Variants in MLIP observed in about 807,000 individuals in gnomAD.
MLIP encodes muscular LMNA interacting protein.
In MLIP, 79 loss-of-function variants were observed where a neutral mutation model predicts 84.8. The ratio of observed to expected loss-of-function variants is 0.93; its 90% CI spans 0.78 to 1.12. The LOEUF is 1.12. Among genes scored for constraint, MLIP ranks in the 50% most tolerant of loss-of-function variants. The probability of loss-of-function intolerance (pLI) is 0.00; values close to 1 mark genes in which losing one functional copy is unlikely to be tolerated. For synonymous variants in MLIP, 504 were observed against 463.0 expected (o/e 1.09, Z -1.14); for missense variants, 1,257 against 1,160.6 (o/e 1.08, Z -1.21).
intron 12 of MLIP, 115 bp downstream of exon 12, chr6:54,231,032 A>AT: frequency 5.4e-6 from 4 of 735,274 alleles, no homozygotes; most frequent in Non-Finnish European, 8.6e-6. Context: ...AATATTAAAT[A>AT]TCTAAATGTA....
chr6:54,049,239 T>C (rs894437407), intron 1 of MLIP, among the ~76,000 whole-genome samples: 1 of 152,166 alleles, frequency 6.6e-6, no homozygotes, highest in Non-Finnish European at 1.5e-5. Context: ...CTGTTATCAA[T>C]ATTTAAACAA....
intron 1 of MLIP, chr6:54,083,726 G>A: frequency 7.8e-7 from 1 of 1,285,058 alleles, no homozygotes; most frequent in Admixed American, 2.0e-5. Flanking sequence ...TCGTATTGCA[G>A]TAGTTATGTT....
At chr6:54,057,767 A>G (rs1765745383) in intron 1 of MLIP, among the ~76,000 whole-genome samples, 1 of 152,136 alleles carries the variant, frequency 6.6e-6, no homozygotes, top group South Asian at 2.1e-4. Context: ...GAATGTAGTA[A>G]AATGTTTTGC....
chr6:54,118,007 T>A (rs1770107388), intron 1 of MLIP, among the ~76,000 whole-genome samples: 1 of 151,792 alleles, frequency 6.6e-6, no homozygotes, highest in African/African-American at 2.4e-5. Flanking sequence ...AAATCATTGA[T>A]GAAAGAAAAT....
chr6:54,037,618 G>C (rs1308071140), intron 1 of MLIP, among the ~76,000 whole-genome samples: 3 of 151,992 alleles, frequency 2.0e-5, no homozygotes, highest in African/African-American at 7.2e-5. Flanking sequence ...GGAGTAGTCT[G>C]CTAGTCTTTG....
In MLIP at chr6:54,136,702, C is replaced by T. The variant is rs954136432; in HGVS notation, c.646-13C>T. On this transcript the variant is annotated splice_polypyrimidine_tract_variant and intron_variant, in intron 3 of 13. Coordinates refer to ENST00000502396, the MANE Select transcript of MLIP (RefSeq NM_001281747.2). ...ATGTCCTATTTCAATCTGTCTATTT[C>T]TCTTTCCTCTAGTTAACTTCTTCTC... is the stretch of plus-strand genomic sequence containing the variant. 17 of 1,456,668 alleles carry T rather than the reference C, an allele frequency of 1.2e-5. No homozygotes were observed. In the African/African-American group the frequency reaches 1.6e-4, roughly 13 times the overall value. 90.2% of individuals were successfully genotyped at this position (1,456,668 alleles called of 1,614,324 possible).
chr6:54,174,522 T>C (rs11966747), intron 9 of MLIP, among the ~76,000 whole-genome samples: 10,502 of 152,162 alleles, frequency 0.069, 513 homozygotes, highest in East Asian at 0.2. Flanking sequence ...TCTTTTCATA[T>C]GCTTGTTTGC....
intron 2 of MLIP, among the ~76,000 whole-genome samples, chr6:54,122,660 A>G (rs573902391): frequency 3.9e-5 from 6 of 152,288 alleles, no homozygotes; most frequent in Non-Finnish European, 8.8e-5. Flanking sequence ...TAATGGGGCC[A>G]TGAATACTAT....
At chr6:54,066,759 G>C (rs995466976) in intron 1 of MLIP, among the ~76,000 whole-genome samples, 8 of 99,634 alleles carry the variant, frequency 8.0e-5, no homozygotes, top group African/African-American at 2.0e-4. Flanking sequence ...GTCAGGTGCT[G>C]TGGGAAGCTA....
chr6:54,029,656 T>C (rs1235868327), intron 1 of MLIP, among the ~76,000 whole-genome samples: 1 of 152,212 alleles, frequency 6.6e-6, no homozygotes, highest in Admixed American at 6.5e-5. Context: ...CAGGGTATCA[T>C]ACTATATACT....
chr6:54,029,909 C>T (rs1457710309), intron 1 of MLIP, among the ~76,000 whole-genome samples: 3 of 152,106 alleles, frequency 2.0e-5, no homozygotes, highest in Non-Finnish European at 4.4e-5. Context: ...CCACCATTTT[C>T]TCATGTGTAT....
At chr6:54,225,384 C>A (rs1780506759) in intron 11 of MLIP, among the ~76,000 whole-genome samples, 1 of 152,104 alleles carries the variant, frequency 6.6e-6, no homozygotes, top group African/African-American at 2.4e-5. Context: ...TGAATCTAAG[C>A]ATATCTAAAC....
At chr6:54,096,392 G>C (rs1768215629) in intron 1 of MLIP, among the ~76,000 whole-genome samples, 1 of 152,184 alleles carries the variant, frequency 6.6e-6, no homozygotes, top group Non-Finnish European at 1.5e-5. Context: ...GTGGTGCCCA[G>C]ATCCCGTTTT....
intron 1 of MLIP, among the ~76,000 whole-genome samples, chr6:54,077,176 T>C (rs1407686640): frequency 6.6e-6 from 1 of 152,194 alleles, no homozygotes; most frequent in Non-Finnish European, 1.5e-5. Context: ...CTTAAAAATA[T>C]GCAAACCAGC....
chr6:54,073,874 T>C (rs1766634111), intron 1 of MLIP, among the ~76,000 whole-genome samples: 1 of 152,218 alleles, frequency 6.6e-6, no homozygotes, highest in Non-Finnish European at 1.5e-5. Context: ...CACATTCAGT[T>C]CACTTATTAT....
chr6:54,216,729 T>A, intron 11 of MLIP: 1 of 985,436 alleles, frequency 1.0e-6, no homozygotes, highest in Non-Finnish European at 1.2e-6. Context: ...AATATGTCTG[T>A]TTGAAAAAAT....
At chr6:54,034,273 T>C (rs1462519660) in intron 1 of MLIP, among the ~76,000 whole-genome samples, 1 of 152,224 alleles carries the variant, frequency 6.6e-6, no homozygotes, top group Non-Finnish European at 1.5e-5. Context: ...TGATAATCAC[T>C]AATCTGCTCT....
At chr6:54,103,953 C>T (rs1017652494) in intron 1 of MLIP, among the ~76,000 whole-genome samples, 2 of 152,030 alleles carry the variant, frequency 1.3e-5, no homozygotes, top group Non-Finnish European at 2.9e-5. Context: ...TAGGGAGGTT[C>T]GTGACTTGCC....
chr6:54,099,303 T>C (rs1480592279), intron 1 of MLIP, among the ~76,000 whole-genome samples: 2 of 152,174 alleles, frequency 1.3e-5, no homozygotes, highest in Non-Finnish European at 2.9e-5. Flanking sequence ...TGGACCTTAG[T>C]AAATGTCTCC....
Sources: allele counts gnomAD v4.1 joint callset (sites outside exome capture counted in the v4.1 genomes callset), GRCh38; gene constraint gnomAD v4.1.1; transcripts MANE v1.5; gene names NCBI Gene and HGNC (gene_info 2026-07-23, HGNC 2026-07-21).